The following CACHD1 variants were observed in gnomAD, a reference collection of about 807,000 sequenced individuals.
CACHD1 encodes cache domain containing 1.
In CACHD1, 71 loss-of-function variants were observed where a neutral mutation model predicts 138.7. The observed-to-expected ratio is 0.51, with a 90% CI of 0.42 to 0.62. The LOEUF (loss-of-function observed/expected upper bound fraction) is 0.62. Among genes scored for constraint, CACHD1 ranks in the 20% least tolerant of loss-of-function variants. The pLI is 0.00. For missense variants in CACHD1, 1,389 were observed against 1,625.3 expected (o/e 0.85, Z 2.50); for synonymous variants, 578 against 591.5 (o/e 0.98, Z 0.33).
intron 1 of CACHD1, among the ~76,000 whole-genome samples, chr1:64,506,847 C>A (rs898761046): frequency 6.6e-6 from 1 of 152,134 alleles, no homozygotes; most frequent in Non-Finnish European, 1.5e-5. Flanking sequence ...CATCAAATTG[C>A]CTGTTCTTCG....
At chr1:64,487,712 A>T (rs1179315556) in intron 1 of CACHD1, among the ~76,000 whole-genome samples, 1 of 152,212 alleles carries the variant, frequency 6.6e-6, no homozygotes, top group Non-Finnish European at 1.5e-5. Flanking sequence ...AAGGAAATGC[A>T]TGGTGGTGTT....
intron 2 of CACHD1, among the ~76,000 whole-genome samples, chr1:64,566,508 T>C (rs1203562812): frequency 2.4e-5 from 2 of 82,412 alleles, no homozygotes; most frequent in African/African-American, 6.0e-5. Context: ...ATGGGGGAAG[T>C]ACTGCCTGTC....
chr1:64,683,689 T>A (rs897708550), intron 26 of CACHD1, among the ~76,000 whole-genome samples: 9 of 152,332 alleles, frequency 5.9e-5, no homozygotes, highest in African/African-American at 2.2e-4. Context: ...TGGATCCATG[T>A]TATCCCCAAG....
intron 4 of CACHD1, among the ~76,000 whole-genome samples, chr1:64,607,932 C>T (rs1462074680): frequency 6.6e-6 from 1 of 152,054 alleles, no homozygotes; most frequent in East Asian, 1.9e-4. Context: ...ACTCAGTGCA[C>T]AAATAATCCC....
At chr1:64,493,626 T>TACCAA (rs1265937079) in intron 1 of CACHD1, among the ~76,000 whole-genome samples, 1 of 152,202 alleles carries the variant, frequency 6.6e-6, no homozygotes, top group Admixed American at 6.5e-5. Context: ...ATTGTGCAGA[T>TACCAA]ACCAAACGGC....
intron 1 of CACHD1, among the ~76,000 whole-genome samples, chr1:64,479,340 A>G (rs1646195727): frequency 6.6e-6 from 1 of 152,164 alleles, no homozygotes; most frequent in Non-Finnish European, 1.5e-5. Flanking sequence ...TGCTTGGAGA[A>G]AGTGTCAGGG....
chr1:64,601,727 T>G lies in CACHD1; in HGVS notation c.411-1079T>G, dbSNP rs527515805. On this transcript the variant is annotated intron_variant, in intron 3 of 26. Transcript: ENST00000651257. Reference sequence around the variant, plus strand: ...GTTCATGCCAGTGGTCAAATGGATATTGCTTTTTAGGAATATTTCTCCTAG... The same window carrying G: ...GTTCATGCCAGTGGTCAAATGGATAGTGCTTTTTAGGAATATTTCTCCTAG... Among the ~76,000 whole-genome samples, 206 of 152,368 alleles carry G rather than the reference T, an allele frequency of 1.4e-3. 3 individuals carry two copies. In the Middle Eastern group the frequency reaches 0.014, roughly 10 times the overall value.
chr1:64,583,485 G>A (rs1249117230), intron 3 of CACHD1, among the ~76,000 whole-genome samples: 2 of 152,194 alleles, frequency 1.3e-5, no homozygotes, highest in African/African-American at 4.8e-5. Flanking sequence ...AGGATGTTGT[G>A]AACATTTCAG....
chr1:64,538,596 C>T (rs1419927914), intron 1 of CACHD1, among the ~76,000 whole-genome samples: 1 of 152,176 alleles, frequency 6.6e-6, no homozygotes, highest in East Asian at 1.9e-4. Context: ...TAAATGACTT[C>T]ACCAGACTGT....
chr1:64,596,342 G>A (rs1037720561), intron 3 of CACHD1, among the ~76,000 whole-genome samples: 1 of 152,218 alleles, frequency 6.6e-6, no homozygotes, highest in Non-Finnish European at 1.5e-5. Context: ...AATATTTGGA[G>A]AGCAGATGCT....
chr1:64,544,783 G>A (rs1416939815), intron 1 of CACHD1, among the ~76,000 whole-genome samples: 2 of 152,130 alleles, frequency 1.3e-5, no homozygotes, highest in Non-Finnish European at 2.9e-5. Context: ...AAAGGAATAT[G>A]TAAAGAGATT....
intron 1 of CACHD1, among the ~76,000 whole-genome samples, chr1:64,544,725 CT>C (rs975248975): frequency 1.3e-5 from 2 of 151,940 alleles, no homozygotes; most frequent in African/African-American, 4.8e-5. Flanking sequence ...TGTGTTGAAC[CT>C]GCTCTTTTGG....
At chr1:64,615,204 C>T (rs972831220) in intron 4 of CACHD1, among the ~76,000 whole-genome samples, 7 of 152,222 alleles carry the variant, frequency 4.6e-5, no homozygotes, top group African/African-American at 1.4e-4. Context: ...CTTGTCACCT[C>T]CCCTCACCCT....
At chr1:64,611,253 T>G (rs1360692201) in intron 4 of CACHD1, among the ~76,000 whole-genome samples, 3 of 152,230 alleles carry the variant, frequency 2.0e-5, no homozygotes, top group Non-Finnish European at 4.4e-5. Flanking sequence ...CCTCATTGTC[T>G]TGGCTGTTAA....
chr1:64,629,191 T>A (rs1648214318), intron 4 of CACHD1, among the ~76,000 whole-genome samples, 164 bp from the exon 5 acceptor site: 2 of 152,198 alleles, frequency 1.3e-5, no homozygotes, highest in Non-Finnish European at 2.9e-5. Context: ...TTGGGGTGTT[T>A]TTTAAGGGGC....
chr1:64,571,553 G>C (rs1302822740), intron 2 of CACHD1, among the ~76,000 whole-genome samples: 1 of 152,186 alleles, frequency 6.6e-6, no homozygotes, highest in African/African-American at 2.4e-5. Flanking sequence ...GATTCAGTAA[G>C]TACTTGGCCA....
rs573312788 is a variant in CACHD1 at position 64,674,918 on chromosome 1, G to T, written c.2728-483G>T. Among the ~76,000 whole-genome samples, 497 of 152,242 alleles carry T rather than the reference G, an allele frequency of 3.3e-3. 3 individuals carry two copies. Among genetic ancestry groups the T allele is most frequent in the Non-Finnish European group, 4.9e-3 (336 of 67,994 alleles). ...TTAAATATTCTAGAAGCAGAAATTT[G>T]CCTGTTAGGTTTGATTTTTAAATAA... On this transcript the variant is annotated intron_variant, in intron 19 of 26. Transcript: ENST00000651257.
chr1:64,656,580 T>C (rs557368664), intron 12 of CACHD1, among the ~76,000 whole-genome samples: 1 of 152,286 alleles, frequency 6.6e-6, no homozygotes, highest in South Asian at 2.1e-4. Flanking sequence ...GGCATTTGTC[T>C]GACCTTCTTG....
At position 64,691,459 on chromosome 1, in the gene CACHD1, A is replaced by G. The variant is rs201566847; in HGVS notation, c.3723A>G (p.Leu1241=). The change falls in exon 27 of 27, where the codon CTA becomes CTG. Residue 1241 remains leucine (L), a synonymous_variant. Coordinates refer to ENST00000651257, the MANE Select transcript of CACHD1 (RefSeq NM_020925.4). ...CCCCCCCTCAGACTGCTGCCCTACT[A>G]AGTCACAAGTTCCACCACTACCGGT... ...LDTPPQTAAL[L]SHKFHHYRSH... 1.9e-5 allele frequency: 31 copies of G among 1,613,896 alleles called. No individual in the cohort carries two copies. The highest frequency in any genetic ancestry group is 2.5e-5 in the Non-Finnish European group (29 of 1,179,996).
Sources: allele counts gnomAD v4.1 joint callset (sites outside exome capture counted in the v4.1 genomes callset), GRCh38; gene constraint gnomAD v4.1.1; transcripts MANE v1.5; gene names NCBI Gene and HGNC (gene_info 2026-07-23, HGNC 2026-07-21).